Variants in PPP6C observed in about 807,000 individuals in gnomAD.
PPP6C encodes the protein serine/threonine-protein phosphatase 6 catalytic subunit.
In PPP6C, 11 loss-of-function variants were observed where a neutral mutation model predicts 39.8. The ratio of observed to expected loss-of-function variants is 0.28; its 90% CI spans 0.17 to 0.46. PPP6C has a LOEUF of 0.46. Among genes scored for constraint, PPP6C ranks in the 20% least tolerant of loss-of-function variants. The pLI, the probability that PPP6C is intolerant of heterozygous loss-of-function variation, is 1.00. For synonymous variants in PPP6C, 129 were observed against 130.3 expected (o/e 0.99, Z 0.07); for missense variants, 211 against 373.9 (o/e 0.56, Z 3.59).
Position 125,171,478 on chromosome 9 carries a change from C to CACATAT in PPP6C, c.76-299_76-298insATATGT, listed in dbSNP as rs1171157245. Reference sequence around the variant, plus strand: ...ACACATATACACACACACACACACACATATATATATATATATATATATATA... The same window carrying CACATAT: ...ACACATATACACACACACACACACACACATATATATATATATATATATATATATATA... On this transcript the variant is annotated intron_variant, in intron 1 of 6. Transcript: ENST00000373547. 6.8e-3 allele frequency among the ~76,000 whole-genome samples: 569 copies of CACATAT among 83,190 alleles called. 1 individual carries two copies. The highest frequency in any genetic ancestry group is 0.012 in the Middle Eastern group (2 of 164). 54.6% of individuals were successfully genotyped at this position (83,190 alleles called of 152,430 possible). A position where few individuals can be genotyped will look rare whatever the true frequency, so the allele number is the denominator to read the frequency against.
intron 6 of PPP6C, among the ~76,000 whole-genome samples, chr9:125,150,456 AAC>A (rs1363758241): frequency 2.2e-5 from 3 of 138,328 alleles, no homozygotes; most frequent in African/African-American, 7.7e-5. Context: ...TTTAATTGAA[AAC>A]AGTTGAAAGT....
chr9:125,181,815 C>T (rs557497723), intron 1 of PPP6C, among the ~76,000 whole-genome samples: 28 of 152,292 alleles, frequency 1.8e-4, no homozygotes, highest in African/African-American at 6.3e-4. Context: ...TGGGTATATA[C>T]CCAGTAATGG....
chr9:125,157,815 C>T (rs1426343768), intron 4 of PPP6C, among the ~76,000 whole-genome samples: 1 of 151,836 alleles, frequency 6.6e-6, no homozygotes, highest in Non-Finnish European at 1.5e-5. Context: ...CTCAGCCTCC[C>T]GAGTAACTGG....
Position 125,180,324 on chromosome 9 carries a change from A to G in PPP6C, c.76-9144T>C, listed in dbSNP as rs1036170361. Among the ~76,000 whole-genome samples, 4 of 152,202 alleles carry G rather than the reference A, an allele frequency of 2.6e-5. No homozygotes were observed. The East Asian group carries it at 5.8e-4, about 22-fold the overall frequency. ...TAATAATCCATTAGACCTATGATAC[A>G]TATTTATTTTTATAATAATTAGCAT... On this transcript the variant is annotated intron_variant, in intron 1 of 6. Coordinates refer to ENST00000373547, the MANE Select transcript of PPP6C (RefSeq NM_002721.5).
chr9:125,159,329 G>A (rs939515278), intron 3 of PPP6C, among the ~76,000 whole-genome samples: 86 of 151,098 alleles, frequency 5.7e-4, no homozygotes, highest in African/African-American at 1.8e-3. Flanking sequence ...GATTACAGGC[G>A]TGAGCCACTG....
intron 2 of PPP6C, among the ~76,000 whole-genome samples, chr9:125,162,389 T>C (rs1246186712): frequency 1.3e-4 from 17 of 133,816 alleles, no homozygotes; most frequent in Non-Finnish European, 1.8e-4. Flanking sequence ...GCCCAGGAGG[T>C]AGAGGTTGCA....
intron 1 of PPP6C, among the ~76,000 whole-genome samples, chr9:125,185,996 T>C (rs114498138): frequency 1.3e-5 from 2 of 152,166 alleles, no homozygotes; most frequent in South Asian, 2.1e-4. Flanking sequence ...AAAACAGTTA[T>C]GTAGATTTGA....
intron 1 of PPP6C, chr9:125,171,829 C>T (rs1829175529): frequency 1.1e-5 from 5 of 453,972 alleles, no homozygotes; most frequent in South Asian, 7.8e-5. Context: ...GCTGGGATTA[C>T]AGGCGTCAGC....
At chr9:125,176,523 G>A (rs1588292519) in intron 1 of PPP6C, among the ~76,000 whole-genome samples, 1 of 152,170 alleles carries the variant, frequency 6.6e-6, no homozygotes, top group East Asian at 1.9e-4. Flanking sequence ...TGGGCGTGGT[G>A]GCATGTGCCT....
intron 1 of PPP6C, among the ~76,000 whole-genome samples, chr9:125,171,714 C>T (rs1406786929): frequency 6.6e-6 from 1 of 151,400 alleles, no homozygotes. Flanking sequence ...CCACCACACC[C>T]GGCTAATTTT....
rs1457889848 is a variant in PPP6C, at chr9:125,171,468, CACACACACACATATATATATAT to C, written c.76-310_76-289del. On this transcript the variant is annotated intron_variant, in intron 1 of 6. Transcript: ENST00000373547. ...AAACACACACACACATATACACACA[CACACACACACATATATATATAT>C]ATATATATATATATATATATATATA... Among the ~76,000 whole-genome samples the C allele has an allele frequency of 2.5e-4, 18 of 71,538 alleles. 1 individual carries two copies. Among genetic ancestry groups the C allele is most frequent in the African/African-American group, 1.3e-3 (17 of 12,958 alleles). 46.9% of individuals were successfully genotyped at this position (71,538 alleles called of 152,430 possible). A position where few individuals can be genotyped will look rare whatever the true frequency, so the allele number is the denominator to read the frequency against.
chr9:125,186,944 T>C (rs902779556), intron 1 of PPP6C, among the ~76,000 whole-genome samples: 40 of 132,828 alleles, frequency 3.0e-4, no homozygotes, highest in Non-Finnish European at 3.5e-4. Flanking sequence ...CTTTCTTTTT[T>C]TTTTTTTTTT....
intron 1 of PPP6C, among the ~76,000 whole-genome samples, chr9:125,179,995 C>T (rs1829389098): frequency 6.6e-6 from 1 of 152,128 alleles, no homozygotes. Context: ...ACATAATTCA[C>T]CTACATAAAA....
At chr9:125,150,999 A>T in intron 6 of PPP6C, 1 of 1,359,174 alleles carries the variant, frequency 7.4e-7, no homozygotes, top group Non-Finnish European at 1.1e-6. Context: ...TATCTGTGGC[A>T]GGCGCAGATC....
chr9:125,166,951 G>A (rs578074905), intron 2 of PPP6C, among the ~76,000 whole-genome samples: 17 of 152,200 alleles, frequency 1.1e-4, no homozygotes, highest in Admixed American at 5.2e-4. Context: ...CCAGGCTGGA[G>A]TGCAGTGGCA....
intron 5 of PPP6C, 29 bp from the exon 6 acceptor site, chr9:125,153,771 A>T: frequency 6.3e-7 from 1 of 1,597,560 alleles, no homozygotes; most frequent in Non-Finnish European, 8.6e-7. Context: ...AAAGAGTTGA[A>T]CATATAACCT....
intron 1 of PPP6C, among the ~76,000 whole-genome samples, chr9:125,179,438 T>C (rs1829377202): frequency 6.6e-6 from 1 of 152,074 alleles, no homozygotes; most frequent in African/African-American, 2.4e-5. Flanking sequence ...TGGGGAACTA[T>C]GAATATAATT....
At chr9:125,175,987 C>T (rs891725650) in intron 1 of PPP6C, among the ~76,000 whole-genome samples, 1 of 152,064 alleles carries the variant, frequency 6.6e-6, no homozygotes. Context: ...ATAGAGCAAA[C>T]AGACACACTA....
intron 3 of PPP6C, among the ~76,000 whole-genome samples, chr9:125,160,002 G>A (rs894153493): frequency 5.2e-4 from 77 of 147,976 alleles, no homozygotes; most frequent in Non-Finnish European, 6.9e-4. Flanking sequence ...CCTGGCAACA[G>A]AGAGAGACTC....
Sources: allele counts gnomAD v4.1 joint callset (sites outside exome capture counted in the v4.1 genomes callset), GRCh38; gene constraint gnomAD v4.1.1; transcripts MANE v1.5; gene names NCBI Gene and HGNC (gene_info 2026-07-23, HGNC 2026-07-21).